Variants in ADCY9 observed in about 807,000 individuals in gnomAD.
ADCY9 encodes the protein adenylate cyclase type 9.
Under a neutral mutation model 101.5 loss-of-function variants are expected in ADCY9, and 50 were observed. That is an observed-to-expected ratio of 0.49 (90% CI 0.39 to 0.62). The LOEUF (loss-of-function observed/expected upper bound fraction) is 0.62, where lower values mean the gene tolerates loss of function less well. Ranked by LOEUF, ADCY9 falls within the 20% of genes least tolerant of loss-of-function variation. ADCY9 has a pLI of 0.00. For missense variants in ADCY9, 1,662 were observed against 1,800.4 expected (o/e 0.92, Z 1.39); for synonymous variants, 905 against 769.3 (o/e 1.18, Z -2.92).
intron 9 of ADCY9, among the ~76,000 whole-genome samples, chr16:3,976,020 C>T (rs1403743792): frequency 6.6e-6 from 1 of 152,144 alleles, no homozygotes; most frequent in Non-Finnish European, 1.5e-5. Flanking sequence ...GAGACTGAGT[C>T]TTGCTCTGTC....
Position 3,989,083 on chromosome 16 carries a change from A to C in ADCY9, c.2221T>G (p.Tyr741Asp). 1 of 1,613,636 alleles carries C rather than the reference A, an allele frequency of 6.2e-7. No homozygotes were observed. The highest frequency in any genetic ancestry group is 2.2e-5 in the East Asian group (1 of 44,876). Residue 741 changes from tyrosine to aspartate, a missense_variant, in exon 6 of 11, where the codon TAC becomes GAC. Physicochemically the swap from Tyr to Asp is radical, Grantham distance 160 (BLOSUM62 -3). Transcript: ENST00000294016. ...VIKEDSLMKDYFFKPPINQFS... is the reference protein window; with the variant it reads ...VIKEDSLMKDDFFKPPINQFS... The stretch of plus-strand genomic sequence containing the variant: ...TGATTAATGGGCGGCTTAAAAAAGT[A>C]ATCTTTCATCAGGCTAGAAGACACA...
Position 3,992,472 on chromosome 16 carries a change from G to T in ADCY9, c.1990-109C>A. 1.0e-6 allele frequency: 1 copy of T among 999,756 alleles called. No homozygotes were observed. Among genetic ancestry groups the T allele is most frequent in the Non-Finnish European group, 1.5e-6 (1 of 684,096 alleles). 61.9% of individuals were successfully genotyped at this position (999,756 alleles called of 1,614,324 possible). A position where few individuals can be genotyped will look rare whatever the true frequency, so the allele number is the denominator to read the frequency against. ...CCGCTGCGGGGCGCTGCTGCACTGG[G>T]CGTGGGACTTTCTGACCTGCGAGGA... is the stretch of plus-strand genomic sequence containing the variant. On this transcript the variant is annotated intron_variant, in intron 4 of 10. Coordinates refer to ENST00000294016, the MANE Select transcript of ADCY9 (RefSeq NM_001116.4). The surrounding 1 kb of genome is among the most constrained non-coding windows in gnomAD (Gnocchi z 4.2).
At chr16:4,006,561 C>T (rs1005830252) in intron 3 of ADCY9, among the ~76,000 whole-genome samples, 3 of 152,096 alleles carry the variant, frequency 2.0e-5, no homozygotes, top group Non-Finnish European at 2.9e-5. Flanking sequence ...AACCACTGGC[C>T]GCCATCCTCA....
At chr16:4,023,109 T>G (rs975820353) in intron 2 of ADCY9, among the ~76,000 whole-genome samples, 5 of 152,246 alleles carry the variant, frequency 3.3e-5, no homozygotes, top group Admixed American at 2.0e-4. Context: ...GTCATTTCTC[T>G]GGAGGGTGAA....
At chr16:4,085,822 C>T (rs1230738218) in intron 2 of ADCY9, among the ~76,000 whole-genome samples, 4 of 151,980 alleles carry the variant, frequency 2.6e-5, no homozygotes, top group Admixed American at 6.6e-5. Flanking sequence ...CAGATGACAT[C>T]GGTGCAGGCT....
chr16:4,113,792 T>C lies in ADCY9; in HGVS notation c.1651A>G (p.Ile551Val), dbSNP rs779012578. Reference protein sequence around the residue: ...DRYEMEDGKVIERLGQSVVAD... With the variant: ...DRYEMEDGKVVERLGQSVVAD... ...ACCACGCTCTGGCCCAGCCGTTCAA[T>C]AACTTTCCCATCTTCCATTTCGTAC... Residue 551 changes from isoleucine (I) to valine (V), a missense_variant, in exon 2 of 11, where the codon ATT (isoleucine) becomes GTT (valine). Physicochemically the swap from Ile to Val is conservative, Grantham distance 29. Coordinates refer to ENST00000294016, the MANE Select transcript of ADCY9 (RefSeq NM_001116.4). 3 of 1,613,894 alleles carry C rather than the reference T, an allele frequency of 1.9e-6. No individual in the cohort carries two copies. The highest frequency in any genetic ancestry group is 1.7e-5 in the Admixed American group (1 of 59,982).
chr16:4,014,939 CTTTTTTT>C (rs578260761), intron 2 of ADCY9, among the ~76,000 whole-genome samples: 2 of 93,242 alleles, frequency 2.1e-5, no homozygotes, highest in African/African-American at 8.7e-5. Context: ...CTGTTTTGGC[CTTTTTTT>C]TTTTTTTTTT....
At chr16:3,986,781 A>G (rs933392515) in intron 6 of ADCY9, among the ~76,000 whole-genome samples, 3 of 152,148 alleles carry the variant, frequency 2.0e-5, no homozygotes, top group Non-Finnish European at 4.4e-5. Context: ...TTTTGTTGGA[A>G]GAGACAGGGT....
chr16:3,996,098 C>T (rs934120021), intron 3 of ADCY9, among the ~76,000 whole-genome samples: 17 of 152,288 alleles, frequency 1.1e-4, no homozygotes, highest in African/African-American at 3.1e-4. Flanking sequence ...TGCTGGCTCA[C>T]ACCTGTAATC....
chr16:3,964,976 AT>A lies in ADCY9; in HGVS notation c.*798del, dbSNP rs1214660293. 1.3e-5 allele frequency: 2 copies of A among 152,160 alleles called. No individual in the cohort carries two copies. The highest frequency in any genetic ancestry group is 4.8e-5 in the African/African-American group (2 of 41,434). The allele number at this position is 152,160 out of a possible 1,614,324, so 9.4% of individuals were successfully genotyped here. Reference sequence around the variant, plus strand: ...TCCAGGACCAACACCTCCACTCCCGATGGGGAGACCCCTGGGTGGAGGGTCG... The same window carrying A: ...TCCAGGACCAACACCTCCACTCCCGAGGGGAGACCCCTGGGTGGAGGGTCG... On this transcript the variant is annotated 3_prime_UTR_variant, in exon 11 of 11. Transcript: ENST00000294016.
chr16:4,077,925 G>A (rs2056878061), intron 2 of ADCY9, among the ~76,000 whole-genome samples: 1 of 151,778 alleles, frequency 6.6e-6, no homozygotes, highest in African/African-American at 2.4e-5. Context: ...CTTGAACCCA[G>A]GAGGCAGAGG....
intron 6 of ADCY9, 80 bp downstream of exon 6, chr16:3,988,914 A>C: frequency 1.8e-6 from 2 of 1,136,500 alleles, no homozygotes. Context: ...CCCTTGGTAA[A>C]GCACAAAACT....
intron 5 of ADCY9, among the ~76,000 whole-genome samples, chr16:3,956,340 AT>A (rs2055905916): frequency 6.6e-6 from 1 of 152,116 alleles, no homozygotes. Flanking sequence ...ATACACAATA[AT>A]GGCTTTTAAA....
intron 3 of ADCY9, among the ~76,000 whole-genome samples, chr16:4,001,445 A>G (rs2141714866): frequency 6.6e-6 from 1 of 152,290 alleles, no homozygotes; most frequent in Non-Finnish European, 1.5e-5. Context: ...AGCACACCAC[A>G]CTAGGGTACC....
intron 5 of ADCY9, among the ~76,000 whole-genome samples, chr16:3,955,357 T>C (rs1019068909): frequency 6.6e-6 from 1 of 152,170 alleles, no homozygotes; most frequent in Non-Finnish European, 1.5e-5. Context: ...AGACCTCATC[T>C]CTATAAAATA....
intron 2 of ADCY9, among the ~76,000 whole-genome samples, chr16:4,030,519 T>C (rs1235074905): frequency 6.6e-6 from 1 of 152,008 alleles, no homozygotes; most frequent in Non-Finnish European, 1.5e-5. Context: ...CTGGCCAACA[T>C]GGTGAAACCC....
rs192511919 is a variant in ADCY9, at chr16:4,005,631, G to A, written c.1884+1737C>T. Among the ~76,000 whole-genome samples, 445 of 152,156 alleles carry A rather than the reference G, an allele frequency of 2.9e-3. 2 individuals are homozygous for A. Among genetic ancestry groups the A allele is most frequent in the African/African-American group, 0.01 (434 of 41,494 alleles). On this transcript the variant is annotated intron_variant, in intron 3 of 10. Transcript: ENST00000294016. The stretch of plus-strand genomic sequence containing the variant: ...ACGCTAAATGGTTTTTGCTCATTCC[G>A]ACCAAAACAAATATATATGACTAGA...
intron 2 of ADCY9, among the ~76,000 whole-genome samples, chr16:4,074,127 T>C (rs1393516425): frequency 6.6e-6 from 1 of 152,046 alleles, no homozygotes; most frequent in East Asian, 1.9e-4. Flanking sequence ...AAAAGGTAAT[T>C]TTCTGTAAAA....
At chr16:4,097,225 A>T (rs1291346909) in intron 2 of ADCY9, among the ~76,000 whole-genome samples, 2 of 151,140 alleles carry the variant, frequency 1.3e-5, no homozygotes, top group East Asian at 1.9e-4. Flanking sequence ...AGCTGTCCAC[A>T]CTCTGGCGCC....
Sources: allele counts gnomAD v4.1 joint callset (sites outside exome capture counted in the v4.1 genomes callset), GRCh38; gene constraint gnomAD v4.1.1; non-coding constraint Gnocchi (gnomAD v3.1); transcripts MANE v1.5; gene names NCBI Gene and HGNC (gene_info 2026-07-23, HGNC 2026-07-21).